Variants in GABRB1 observed in about 807,000 individuals in gnomAD.
GABRB1 encodes gamma-aminobutyric acid receptor subunit beta-1.
GABRB1 carries 17 observed loss-of-function variants against 51.6 expected under a neutral mutation model. That is an observed-to-expected ratio of 0.33 (90% CI 0.23 to 0.49). GABRB1 has a LOEUF of 0.49. Ranked by LOEUF, GABRB1 falls within the 20% of genes least tolerant of loss-of-function variation. GABRB1 has a pLI of 0.99. For missense variants in GABRB1, 410 were observed against 600.6 expected (o/e 0.68, Z 3.32); for synonymous variants, 247 against 218.9 (o/e 1.13, Z -1.14).
In GABRB1 at chr4:47,387,708, A is replaced by G. The variant is rs547961838; in HGVS notation, c.545-15610A>G. 1.2e-4 allele frequency among the ~76,000 whole-genome samples: 18 copies of G among 152,276 alleles called. No individual in the cohort carries two copies. The South Asian group carries it at 3.5e-3, about 30-fold the overall frequency. ...CAAGAATGTCATGACTTGGGCAGGC[A>G]TGGGGGGATCTCATCCACATGGGAC... On this transcript the variant is annotated intron_variant, in intron 5 of 8. Transcript: ENST00000295454.
chr4:47,013,952 T>C (rs1386283367), intron 1 of GABRB1, among the ~76,000 whole-genome samples: 1 of 152,164 alleles, frequency 6.6e-6, no homozygotes, highest in Non-Finnish European at 1.5e-5. Context: ...GTGTTTTTTC[T>C]GTCTTGTCCA....
At chr4:47,331,112 T>C (rs1725465006) in intron 5 of GABRB1, among the ~76,000 whole-genome samples, 1 of 152,176 alleles carries the variant, frequency 6.6e-6, no homozygotes, top group Non-Finnish European at 1.5e-5. Flanking sequence ...TCTCCTTAGA[T>C]AAATCTGATT....
In GABRB1 at chr4:47,090,889, T is replaced by C. The variant is rs571928362; in HGVS notation, c.240+58405T>C. ...CTTCTTTCATGAGCCACCTCAAATA[T>C]CATTTCTTCTATGAGACATTTCCAT... On this transcript the variant is annotated intron_variant, in intron 3 of 8. Coordinates refer to ENST00000295454, the MANE Select transcript of GABRB1 (RefSeq NM_000812.4). 1.3e-4 allele frequency among the ~76,000 whole-genome samples: 20 copies of C among 152,332 alleles called. No individual in the cohort carries two copies. The East Asian group carries it at 2.1e-3, about 16-fold the overall frequency.
At chr4:47,315,783 GA>G (rs1724861884) in intron 4 of GABRB1, among the ~76,000 whole-genome samples, 1 of 151,928 alleles carries the variant, frequency 6.6e-6, no homozygotes, top group African/African-American at 2.4e-5. Context: ...CACAGGAACA[GA>G]AAACCAAACA....
intron 3 of GABRB1, among the ~76,000 whole-genome samples, chr4:47,051,614 G>A (rs1221625906): frequency 6.6e-6 from 1 of 152,042 alleles, no homozygotes; most frequent in Non-Finnish European, 1.5e-5. Context: ...CCACATCTGG[G>A]TCAGCATTGA....
chr4:47,196,011 A>C (rs1719668336), intron 4 of GABRB1, among the ~76,000 whole-genome samples: 1 of 152,226 alleles, frequency 6.6e-6, no homozygotes, highest in South Asian at 2.1e-4. Flanking sequence ...AGCTCAAACC[A>C]TATGTAGTAG....
At chr4:47,025,454 T>A (rs1321673153) in intron 1 of GABRB1, among the ~76,000 whole-genome samples, 1 of 151,998 alleles carries the variant, frequency 6.6e-6, no homozygotes, top group Non-Finnish European at 1.5e-5. Context: ...GGTATTGTAT[T>A]GTGATTTCGA....
intron 3 of GABRB1, among the ~76,000 whole-genome samples, chr4:47,057,315 T>C (rs1726655814): frequency 6.6e-6 from 1 of 152,232 alleles, no homozygotes; most frequent in Admixed American, 6.5e-5. Context: ...TTCTATTAAA[T>C]AGCAGACATT....
At chr4:47,227,748 T>C (rs1448957186) in intron 4 of GABRB1, among the ~76,000 whole-genome samples, 1 of 152,118 alleles carries the variant, frequency 6.6e-6, no homozygotes, top group Non-Finnish European at 1.5e-5. Context: ...ATAACCACAG[T>C]GTAGCTTCAC....
intron 3 of GABRB1, among the ~76,000 whole-genome samples, chr4:47,147,917 T>A (rs1315408179): frequency 2.0e-5 from 3 of 152,058 alleles, no homozygotes; most frequent in Non-Finnish European, 2.9e-5. Context: ...AATTTGTATT[T>A]TTATTCTCAT....
At chr4:47,039,813 G>A (rs963915673) in intron 3 of GABRB1, among the ~76,000 whole-genome samples, 4 of 152,164 alleles carry the variant, frequency 2.6e-5, no homozygotes, top group Admixed American at 6.5e-5. Flanking sequence ...TTCCTATTGC[G>A]AAAACTTAAA....
At chr4:47,203,446 A>G (rs184126778) in intron 4 of GABRB1, among the ~76,000 whole-genome samples, 24 of 152,192 alleles carry the variant, frequency 1.6e-4, no homozygotes, top group African/African-American at 5.3e-4. Flanking sequence ...GAGCTTCTCC[A>G]CCCCAAAATT....
intron 4 of GABRB1, among the ~76,000 whole-genome samples, chr4:47,293,737 A>G (rs1346886548): frequency 1.3e-5 from 2 of 152,212 alleles, no homozygotes; most frequent in Admixed American, 6.5e-5. Flanking sequence ...CTTGAATAAT[A>G]AAGACACACA....
intron 1 of GABRB1, among the ~76,000 whole-genome samples, chr4:46,998,887 T>G (rs1417540082): frequency 1.3e-5 from 2 of 152,064 alleles, no homozygotes; most frequent in East Asian, 3.9e-4. Flanking sequence ...TGAAATAAGC[T>G]CTCAGAATAA....
intron 5 of GABRB1, among the ~76,000 whole-genome samples, chr4:47,398,962 C>T (rs1433742375): frequency 6.6e-6 from 1 of 152,064 alleles, no homozygotes; most frequent in East Asian, 1.9e-4. Context: ...GGCTAATTTT[C>T]TGTATTTTTA....
At chr4:47,087,601 T>C (rs1208346377) in intron 3 of GABRB1, among the ~76,000 whole-genome samples, 1 of 151,880 alleles carries the variant, frequency 6.6e-6, no homozygotes, top group Non-Finnish European at 1.5e-5. Flanking sequence ...GACAGGAAGG[T>C]CAAATTCTAG....
chr4:47,019,954 G>GTATATA (rs1724882365), intron 1 of GABRB1, among the ~76,000 whole-genome samples: 1 of 150,890 alleles, frequency 6.6e-6, no homozygotes, highest in Non-Finnish European at 1.5e-5. Context: ...ATATGTATAT[G>GTATATA]TATATATATT....
chr4:47,414,668 C>A (rs1314551952), intron 8 of GABRB1, among the ~76,000 whole-genome samples: 1 of 152,054 alleles, frequency 6.6e-6, no homozygotes, highest in Non-Finnish European at 1.5e-5. Context: ...ATTTTTTTCC[C>A]TCTTAAAATC....
intron 5 of GABRB1, among the ~76,000 whole-genome samples, chr4:47,352,767 G>T (rs565168942): frequency 6.6e-6 from 1 of 152,250 alleles, no homozygotes; most frequent in East Asian, 1.9e-4. Context: ...TTGCACATTT[G>T]GGTTTGCTTA....
Sources: allele counts gnomAD v4.1 joint callset (sites outside exome capture counted in the v4.1 genomes callset), GRCh38; gene constraint gnomAD v4.1.1; transcripts MANE v1.5; gene names NCBI Gene and HGNC (gene_info 2026-07-23, HGNC 2026-07-21).